The following LPP variants were observed in gnomAD, a reference collection of about 807,000 sequenced individuals.
The protein encoded by LPP is lipoma-preferred partner.
In LPP, 38 loss-of-function variants were observed where a neutral mutation model predicts 60.4. That is an observed-to-expected ratio of 0.63 (90% confidence interval 0.49 to 0.83). The LOEUF (loss-of-function observed/expected upper bound fraction) is 0.83. Ranked by LOEUF, LPP falls within the 40% of genes least tolerant of loss-of-function variation. The probability of loss-of-function intolerance (pLI) is 0.00; values close to 1 mark genes in which losing one functional copy is unlikely to be tolerated. For missense variants in LPP, 902 were observed against 783.6 expected (o/e 1.15, Z -1.80); for synonymous variants, 328 against 290.8 (o/e 1.13, Z -1.30).
At chr3:188,286,626 G>A (rs781275439) in intron 2 of LPP, among the ~76,000 whole-genome samples, 18 of 151,988 alleles carry the variant, frequency 1.2e-4, no homozygotes, top group Non-Finnish European at 2.4e-4. Context: ...TTTAAAATGG[G>A]CATCTCACTT....
intron 1 of LPP, among the ~76,000 whole-genome samples, chr3:188,193,687 C>T (rs1238799706): frequency 6.6e-6 from 1 of 151,844 alleles, no homozygotes; most frequent in Non-Finnish European, 1.5e-5. Context: ...ACTGCTTTGC[C>T]ATAAGAACTT....
At chr3:188,311,515 A>G (rs1345185522) in intron 2 of LPP, among the ~76,000 whole-genome samples, 1 of 152,006 alleles carries the variant, frequency 6.6e-6, no homozygotes, top group Non-Finnish European at 1.5e-5. Context: ...AACTAAACTA[A>G]ACTAAACTAA....
chr3:188,303,156 T>C (rs1476179958), intron 2 of LPP, among the ~76,000 whole-genome samples: 1 of 152,156 alleles, frequency 6.6e-6, no homozygotes, highest in Non-Finnish European at 1.5e-5. Flanking sequence ...GTCCATAAGG[T>C]GTCTGTTGTA....
At chr3:188,393,474 T>C (rs1780183000) in intron 3 of LPP, among the ~76,000 whole-genome samples, 1 of 152,170 alleles carries the variant, frequency 6.6e-6, no homozygotes, top group Non-Finnish European at 1.5e-5. Context: ...GACTTGACTG[T>C]ATTCAGGATT....
chr3:188,836,250 T>C (rs1401933801), intron 9 of LPP, among the ~76,000 whole-genome samples: 2 of 152,256 alleles, frequency 1.3e-5, no homozygotes, highest in Non-Finnish European at 2.9e-5. Flanking sequence ...TCTTTGATGT[T>C]GTCTTTTTAA....
chr3:188,272,673 C>G (rs1577737529), intron 2 of LPP, among the ~76,000 whole-genome samples: 2 of 152,144 alleles, frequency 1.3e-5, no homozygotes, highest in South Asian at 4.1e-4. Flanking sequence ...CTGTGATAGA[C>G]TCTACAAATA....
At chr3:188,849,503 C>T (rs775617362) in intron 9 of LPP, among the ~76,000 whole-genome samples, 3 of 152,116 alleles carry the variant, frequency 2.0e-5, no homozygotes, top group African/African-American at 7.2e-5. Context: ...CCTATAAGAA[C>T]ATTTTGAATA....
In LPP at chr3:188,883,361, A is replaced by G. The variant is rs1301276897; in HGVS notation, c.*8882A>G. 1 of 214,124 alleles carries G rather than the reference A, an allele frequency of 4.7e-6. No homozygotes were observed. The highest frequency in any genetic ancestry group is 5.9e-5 in the Admixed American group (1 of 17,092). The allele number at this position is 214,124 out of a possible 1,614,324, so 13.3% of individuals were successfully genotyped here. On this transcript the variant is annotated 3_prime_UTR_variant, in exon 12 of 12. Coordinates refer to ENST00000617246, the MANE Select transcript of LPP (RefSeq NM_001375462.1). Reference sequence around the variant, plus strand: ...CAGACCGTTCTGACAGTTGTTGTGTAGCTTCATGCCTTCCCCAGTAACTAA... The same window carrying G: ...CAGACCGTTCTGACAGTTGTTGTGTGGCTTCATGCCTTCCCCAGTAACTAA...
intron 2 of LPP, among the ~76,000 whole-genome samples, chr3:188,275,405 C>A (rs974119298): frequency 1.3e-5 from 2 of 152,062 alleles, no homozygotes; most frequent in Non-Finnish European, 2.9e-5. Flanking sequence ...TGTTGCCCAG[C>A]CTGGAGTACA....
chr3:188,562,520 A>C (rs1025647714), intron 6 of LPP: 1 of 152,022 alleles, frequency 6.6e-6, no homozygotes, highest in Non-Finnish European at 1.5e-5. Flanking sequence ...CCAATAACAA[A>C]ATAAAACTGC....
chr3:188,390,806 T>C (rs76885968), intron 3 of LPP, among the ~76,000 whole-genome samples: 1,537 of 152,268 alleles, frequency 0.01, 30 homozygotes, highest in African/African-American at 0.035. Context: ...CTGTAAATAA[T>C]CTTCCTTCTT....
In LPP at chr3:188,872,971, G is replaced by A. The variant is rs76312331; in HGVS notation, c.1710+208G>A. On this transcript the variant is annotated intron_variant, in intron 11 of 11. Coordinates refer to ENST00000617246, the MANE Select transcript of LPP (RefSeq NM_001375462.1). Reference sequence around the variant, plus strand: ...CCTCTCTCAGTCTGCTTGCTCACCGGAAGAAAGGACTCAAGTCCTTAACTC... The same window carrying A: ...CCTCTCTCAGTCTGCTTGCTCACCGAAAGAAAGGACTCAAGTCCTTAACTC... Among the ~76,000 whole-genome samples the A allele has an allele frequency of 7.9e-3, 1,199 of 152,308 alleles. 7 individuals are homozygous for A. Among genetic ancestry groups the A allele is most frequent in the Admixed American group, 0.014 (211 of 15,308 alleles).
rs143657173 is a variant in LPP, at chr3:188,238,403, G to T, written c.-67+12876G>T. Among the ~76,000 whole-genome samples the T allele has an allele frequency of 4.5e-3, 680 of 151,872 alleles. 8 individuals are homozygous for T. The highest frequency in any genetic ancestry group is 0.016 in the African/African-American group (642 of 41,414). ...TTTTTTTTTTGGTATGCACATCTTG[G>T]CTGTTTGGCACAAGAGGCCTAGCTT... On this transcript the variant is annotated intron_variant, in intron 2 of 11. Coordinates refer to ENST00000617246, the MANE Select transcript of LPP (RefSeq NM_001375462.1).
intron 2 of LPP, among the ~76,000 whole-genome samples, chr3:188,284,239 G>A (rs186745642): frequency 2.0e-5 from 3 of 152,098 alleles, no homozygotes; most frequent in Admixed American, 2.0e-4. Flanking sequence ...GTGAGCCACT[G>A]TGTCTGGCCA....
intron 4 of LPP, among the ~76,000 whole-genome samples, chr3:188,444,138 C>A (rs575489468): frequency 1.3e-5 from 2 of 152,106 alleles, no homozygotes; most frequent in African/African-American, 4.8e-5. Flanking sequence ...TTTTTCACTT[C>A]TTGGGAAGGG....
intron 6 of LPP, among the ~76,000 whole-genome samples, chr3:188,547,776 G>A (rs1421179205): frequency 1.3e-5 from 2 of 152,080 alleles, no homozygotes; most frequent in South Asian, 2.1e-4. Flanking sequence ...GTTGTGTTCC[G>A]TAGCTGGGGA....
At chr3:188,675,538 G>T (rs1284668131) in intron 7 of LPP, among the ~76,000 whole-genome samples, 1 of 152,146 alleles carries the variant, frequency 6.6e-6, no homozygotes, top group Non-Finnish European at 1.5e-5. Context: ...CACATCAAGG[G>T]GTGTTGGTAG....
At chr3:188,819,240 A>G (rs1213054647) in intron 9 of LPP, among the ~76,000 whole-genome samples, 2 of 152,088 alleles carry the variant, frequency 1.3e-5, no homozygotes, top group African/African-American at 4.8e-5. Context: ...TTGGGCTTCT[A>G]TCGATCCCAT....
At chr3:188,408,328 ATGAGATAGG>A (rs1440930491) in intron 4 of LPP, among the ~76,000 whole-genome samples, 1 of 152,138 alleles carries the variant, frequency 6.6e-6, no homozygotes, top group East Asian at 1.9e-4. Context: ...AATGGCATAT[ATGAGATAGG>A]TAGAAGAGAA....
Sources: gnomAD v4.1 joint callset for allele counts (sites outside exome capture counted in the v4.1 genomes callset) on GRCh38, gnomAD v4.1.1 for gene constraint, MANE v1.5 for transcripts, NCBI Gene and HGNC (gene_info 2026-07-23, HGNC 2026-07-21) for gene names.